Variants in BIK observed in about 807,000 individuals in gnomAD.
The protein encoded by BIK is BCL2 interacting killer, also known as bcl-2-interacting killer.
In BIK, 14 loss-of-function variants were observed where a neutral mutation model predicts 12.1. The ratio of observed to expected loss-of-function variants is 1.16; its 90% CI spans 0.77 to 1.81. The LOEUF (loss-of-function observed/expected upper bound fraction) is 1.81, where lower values mean the gene tolerates loss of function less well. BIK is among the 40% of genes most tolerant of loss of function. The probability of loss-of-function intolerance (pLI) is 0.00; values close to 1 mark genes in which losing one functional copy is unlikely to be tolerated. For missense variants in BIK, 215 were observed against 207.9 expected (o/e 1.03, Z -0.21); for synonymous variants, 86 against 92.3 (o/e 0.93, Z 0.39).
rs557357519 is a variant in BIK at position 43,126,483 on chromosome 22, G to A, written c.162-1214G>A. Among the ~76,000 whole-genome samples, 19 of 152,256 alleles carry A rather than the reference G, an allele frequency of 1.2e-4. 1 individual carries two copies. The highest frequency in any genetic ancestry group is 7.8e-4 in the Admixed American group (12 of 15,302). ...ATTACAGGCGTGAGCCACCACACCC[G>A]GCCAGGACTGGCACTTTCATTCTTC... On this transcript the variant is annotated intron_variant, in intron 2 of 4. Transcript: ENST00000216115.
intron 2 of BIK, among the ~76,000 whole-genome samples, chr22:43,124,421 T>C (rs2076080): frequency 0.23 from 34,800 of 152,052 alleles, 5,039 homozygotes; most frequent in African/African-American, 0.41. Context: ...ATGTTCACAG[T>C]CTCAAGATGG....
rs1930396687 is a variant in BIK at position 43,129,461 on chromosome 22, C to T, written c.*156C>T. 7 of 1,255,540 alleles carry T rather than the reference C, an allele frequency of 5.6e-6. No individual in the cohort carries two copies. Among genetic ancestry groups the T allele is most frequent in the Admixed American group, 3.2e-5 (1 of 31,150 alleles). 77.8% of individuals were successfully genotyped at this position (1,255,540 alleles called of 1,614,324 possible). On this transcript the variant is annotated 3_prime_UTR_variant, in exon 5 of 5. Transcript: ENST00000216115. ...TGGAACACTGCTGAGGTTTTATACTCAGGTTTTTTGTTTTTTTTTTATTCC... is the reference window on the plus strand; with the variant it reads ...TGGAACACTGCTGAGGTTTTATACTTAGGTTTTTTGTTTTTTTTTTATTCC...
intron 3 of BIK, 23 bp from the exon 4 acceptor site, chr22:43,128,473 C>A (rs1235451140): frequency 1.3e-6 from 2 of 1,565,876 alleles, no homozygotes; most frequent in South Asian, 1.1e-5. Flanking sequence ...ATGGCTTTGT[C>A]CCCCCATCCT....
chr22:43,116,678 C>T (rs1441002830), intron 1 of BIK, among the ~76,000 whole-genome samples: 2 of 152,020 alleles, frequency 1.3e-5, no homozygotes, highest in Non-Finnish European at 2.9e-5. Context: ...AGAATGGTTT[C>T]GATCTCCTGA....
Position 43,129,425 on chromosome 22 carries a change from CG to C in BIK, c.*121del. 1 of 1,398,768 alleles carries C rather than the reference CG, an allele frequency of 7.1e-7. No individual in the cohort carries two copies. The highest frequency in any genetic ancestry group is 9.4e-7 in the Non-Finnish European group (1 of 1,062,414). 86.6% of individuals were successfully genotyped at this position (1,398,768 alleles called of 1,614,324 possible). On this transcript the variant is annotated 3_prime_UTR_variant, in exon 5 of 5. Coordinates refer to ENST00000216115, the MANE Select transcript of BIK (RefSeq NM_001197.5). ...ATGATGCCTTTTTATATTTAAACCC[CG>C]AGATAGTGCTGGAACACTGCTGAGG... is the stretch of plus-strand genomic sequence containing the variant.
intron 2 of BIK, among the ~76,000 whole-genome samples, chr22:43,126,626 C>T (rs1930321796): frequency 6.6e-6 from 1 of 152,152 alleles, no homozygotes; most frequent in South Asian, 2.1e-4. Context: ...GCTGGGGAAT[C>T]CTGTCTCTGA....
chr22:43,121,701 T>C (rs1930222971), intron 1 of BIK, among the ~76,000 whole-genome samples: 1 of 152,154 alleles, frequency 6.6e-6, no homozygotes, highest in Admixed American at 6.5e-5. Flanking sequence ...GGAAATGCCA[T>C]TTGCATAGAC....
At chr22:43,113,683 G>A (rs952916841) in intron 1 of BIK, among the ~76,000 whole-genome samples, 1 of 152,196 alleles carries the variant, frequency 6.6e-6, no homozygotes, top group South Asian at 2.1e-4. Flanking sequence ...GGCTTGATTG[G>A]CCAGTGAGTC....
intron 1 of BIK, among the ~76,000 whole-genome samples, chr22:43,120,440 C>T (rs1229853159): frequency 1.3e-5 from 2 of 152,194 alleles, no homozygotes; most frequent in Non-Finnish European, 2.9e-5. Flanking sequence ...CACCTGCCTC[C>T]ACCTCTCAAA....
At chr22:43,111,767 G>T (rs1601726464) in intron 1 of BIK, among the ~76,000 whole-genome samples, 1 of 152,134 alleles carries the variant, frequency 6.6e-6, no homozygotes, top group South Asian at 2.1e-4. Flanking sequence ...AGGGAGCATT[G>T]GTGTCAGCCT....
rs759617722 is a variant in BIK, at chr22:43,129,259, T to C, written c.437T>C (p.Leu146Pro). 4 of 1,595,884 alleles carry C rather than the reference T, an allele frequency of 2.5e-6. No homozygotes were observed. The South Asian group carries it at 3.3e-5, about 13-fold the overall frequency. ...CTGGCGCTGCTGCTGCTGCTGGCGC[T>C]GCTGCTGCCGCTGCTCAGCGGGGGC... ...VLLALLLLLA[L>P]LLPLLSGGLH... Residue 146 changes from leucine to proline, a missense_variant, in exon 5 of 5, where the codon CTG becomes CCG. By Grantham distance (98) the Leu-to-Pro change is moderately conservative. Coordinates refer to ENST00000216115, the MANE Select transcript of BIK (RefSeq NM_001197.5).
rs544399420 is a variant in BIK, at chr22:43,122,426, G to A, written c.-7-1590G>A. ...TTTCGTCTTCCCAATAGCCCAGGGC[G>A]GGGCTCTCAGACCATGAAACCCATT... On this transcript the variant is annotated intron_variant, in intron 1 of 4. Transcript: ENST00000216115. 2.6e-5 allele frequency among the ~76,000 whole-genome samples: 4 copies of A among 152,224 alleles called. No individual in the cohort carries two copies. In the South Asian group the frequency reaches 6.2e-4, roughly 24 times the overall value.
At chr22:43,114,392 T>A (rs1271197476) in intron 1 of BIK, among the ~76,000 whole-genome samples, 1 of 152,078 alleles carries the variant, frequency 6.6e-6, no homozygotes. Flanking sequence ...AACCTCTGCC[T>A]CCCGGGTTCA....
rs148731105 is a variant in BIK at position 43,120,028 on chromosome 22, C to T, written c.-7-3988C>T. 1.5e-3 allele frequency among the ~76,000 whole-genome samples: 215 copies of T among 148,164 alleles called. 1 individual carries two copies. Among genetic ancestry groups the T allele is most frequent in the African/African-American group, 5.4e-3 (210 of 39,240 alleles). On this transcript the variant is annotated intron_variant, in intron 1 of 4. Transcript: ENST00000216115. ...AAGGACCAATAGGCGTAGGCATGGG[C>T]CGGTCTGAGGTTGGCTGGTGAGCTC...
rs540470135 is a variant in BIK, at chr22:43,129,622, C to A, written c.*317C>A. 4.8e-6 allele frequency: 2 copies of A among 417,982 alleles called. No homozygotes were observed. The highest frequency in any genetic ancestry group is 4.3e-6 in the Non-Finnish European group (1 of 234,244). 25.9% of individuals were successfully genotyped at this position (417,982 alleles called of 1,614,324 possible). On this transcript the variant is annotated 3_prime_UTR_variant, in exon 5 of 5. Transcript: ENST00000216115. ...GGTAGCAGGGGGAGTGCTGGTCACACCCCTGTGTGATATGTGATGCCCTCG... is the reference window on the plus strand; with the variant it reads ...GGTAGCAGGGGGAGTGCTGGTCACAACCCTGTGTGATATGTGATGCCCTCG...
intron 4 of BIK, 116 bp from the exon 5 acceptor site, chr22:43,129,097 C>T (rs4988440): frequency 5.8e-6 from 9 of 1,555,898 alleles, no homozygotes; most frequent in East Asian, 2.2e-5. Flanking sequence ...CTGGTCCCCT[C>T]GAGCTCCTTC....
chr22:43,121,359 G>A (rs540659680), intron 1 of BIK, among the ~76,000 whole-genome samples: 14 of 152,272 alleles, frequency 9.2e-5, no homozygotes, highest in Non-Finnish European at 1.8e-4. Flanking sequence ...CAGGCAGAGC[G>A]TGGGTGACTG....
Position 43,127,680 on chromosome 22 carries a change from G to C in BIK, c.162-17G>C. The stretch of plus-strand genomic sequence containing the variant: ...CACGGCACAGCCACACCCGACTCCT[G>C]TGTGTGCTCCCTGCAGTGACGCATT... On this transcript the variant is annotated splice_polypyrimidine_tract_variant and intron_variant, in intron 2 of 4. Coordinates refer to ENST00000216115, the MANE Select transcript of BIK (RefSeq NM_001197.5). 1 of 1,546,110 alleles carries C rather than the reference G, an allele frequency of 6.5e-7. No homozygotes were observed. The highest frequency in any genetic ancestry group is 8.7e-7 in the Non-Finnish European group (1 of 1,144,362).
intron 1 of BIK, among the ~76,000 whole-genome samples, chr22:43,121,938 C>T (rs1930227498): frequency 6.6e-6 from 1 of 152,192 alleles, no homozygotes; most frequent in Admixed American, 6.5e-5. Context: ...ACCATGTTGG[C>T]CAGGCTGGTC....
Sources: allele counts gnomAD v4.1 joint callset (sites outside exome capture counted in the v4.1 genomes callset), GRCh38; gene constraint gnomAD v4.1.1; transcripts MANE v1.5; gene names NCBI Gene and HGNC (gene_info 2026-07-23, HGNC 2026-07-21).